The following SPDYE1 variants were observed in gnomAD, a reference collection of about 807,000 sequenced individuals.
SPDYE1 encodes the protein speedy/RINGO cell cycle regulator family member E1, also known as speedy protein E1.
A neutral mutation model predicts 45.9 loss-of-function variants in SPDYE1; 29 were observed. That is an observed-to-expected ratio of 0.63 (90% CI 0.47 to 0.86). The LOEUF is 0.86. Ranked by LOEUF, SPDYE1 falls within the 40% of genes least tolerant of loss-of-function variation. The probability of loss-of-function intolerance (pLI) is 0.00; values close to 1 mark genes in which losing one functional copy is unlikely to be tolerated. For missense variants in SPDYE1, 346 were observed against 481.4 expected, an observed-to-expected ratio of 0.72 and a Z score of 2.63; for synonymous variants, 134 against 176.8, an observed-to-expected ratio of 0.76 and a Z score of 1.92.
In SPDYE1 at chr7:44,002,630, C is replaced by T. The variant is rs1210365268; in HGVS notation, c.420C>T (p.Cys140=). Residue 140 remains cysteine, a synonymous_variant, in exon 4 of 9, where the codon TGC becomes TGT. Coordinates refer to ENST00000693451, the MANE Select transcript of SPDYE1 (RefSeq NM_001378423.2). ...CCAGCCCCCCGCATAGGTCCTTTTG[C>T]TGGAAAAGGAAGATGGAGTGGTGGG... is the stretch of plus-strand genomic sequence containing the variant. The part of the protein sequence containing the change: ...VDPSPPHRSF[C]WKRKMEWWDK... The T allele has an allele frequency of 1.3e-6, 2 of 1,597,134 alleles. No individual in the cohort carries two copies. The highest frequency in any genetic ancestry group is 1.7e-6 in the Non-Finnish European group (2 of 1,179,784).
chr7:44,005,056 C>T, intron 5 of SPDYE1, 86 bp from the exon 6 acceptor site: 1 of 1,489,092 alleles, frequency 6.7e-7, no homozygotes, highest in East Asian at 2.3e-5. Context: ...TGGGCAGCCC[C>T]TCCCCAGACC....
chr7:43,998,623 G>A (rs4049584), intron 1 of SPDYE1, among the ~76,000 whole-genome samples: 25,756 of 87,742 alleles, frequency 0.29, 6,889 homozygotes, highest in Middle Eastern at 0.35. Context: ...CCGGGAACCC[G>A]CAGGTTTTTT....
At chr7:44,006,997 T>C (rs2096072133) in intron 6 of SPDYE1, among the ~76,000 whole-genome samples, 1 of 152,244 alleles carries the variant, frequency 6.6e-6, no homozygotes, top group Admixed American at 6.5e-5. Context: ...GTGATCCTCC[T>C]GCTTTGGCCT....
Position 44,009,806 on chromosome 7 carries a change from A to C in SPDYE1, c.*1185A>C, listed in dbSNP as rs1028273146. On this transcript the variant is annotated 3_prime_UTR_variant, in exon 9 of 9. Transcript: ENST00000693451. ...TTTCATCCTAAATCTTTTACCTTTC[A>C]ATCTTTGTATCTATTATTACACGTG... 2.0e-5 allele frequency: 3 copies of C among 151,494 alleles called. No homozygotes were observed. The highest frequency in any genetic ancestry group is 4.4e-5 in the Non-Finnish European group (3 of 67,866). 9.4% of individuals were successfully genotyped at this position (151,494 alleles called of 1,614,324 possible). A position where few individuals can be genotyped will look rare whatever the true frequency, so the allele number is the denominator to read the frequency against.
At position 44,004,858 on chromosome 7, in the gene SPDYE1, A is replaced by C. The variant is rs2096068977; in HGVS notation, c.667-284A>C. ...GACAGTTCTCTGCCTGGCACACAAA[A>C]GACCCTCCTGACACCAGCCAACCTA... On this transcript the variant is annotated intron_variant, in intron 5 of 8. Coordinates refer to ENST00000693451, the MANE Select transcript of SPDYE1 (RefSeq NM_001378423.2). The C allele has an allele frequency of 5.7e-6, 3 of 528,628 alleles. No individual in the cohort carries two copies. The African/African-American group carries it at 5.7e-5, about 10-fold the overall frequency. 32.7% of individuals were successfully genotyped at this position (528,628 alleles called of 1,614,324 possible).
intron 8 of SPDYE1, among the ~76,000 whole-genome samples, 153 bp from the exon 9 acceptor site, chr7:44,008,514 C>T (rs941097040): frequency 4.6e-5 from 7 of 152,084 alleles, no homozygotes; most frequent in African/African-American, 1.4e-4. Context: ...CAGTTGAACA[C>T]GATGGTTCAG....
chr7:44,005,349 A>T, intron 6 of SPDYE1, 122 bp downstream of exon 6: 1 of 1,382,466 alleles, frequency 7.2e-7, no homozygotes, highest in East Asian at 2.3e-5. Flanking sequence ...TGTACAAAAA[A>T]GAGAGGATTA....
At position 44,002,611 on chromosome 7, in the gene SPDYE1, C is replaced by A; in HGVS notation, c.401C>A (p.Pro134His). 3.1e-6 allele frequency: 5 copies of A among 1,594,244 alleles called. No homozygotes were observed. Among genetic ancestry groups the A allele is most frequent in the Non-Finnish European group, 4.2e-6 (5 of 1,178,744 alleles). The stretch of plus-strand genomic sequence containing the variant: ...TCAGCCCCTGGGGTAGATCCCAGCC[C>A]CCCGCATAGGTCCTTTTGCTGGAAA... ...SQLAPGVDPS[P>H]PHRSFCWKRK... The change falls in exon 4 of 9, where the codon CCC (proline) becomes CAC (histidine). Residue 134 changes from proline to histidine, a missense_variant. Physicochemically the swap from Pro to His is moderately conservative, Grantham distance 77. Around this residue, in one of 4 missense-constraint regions of SPDYE1, gnomAD observed 141 missense variants for 176.7 expected, o/e 0.80. Transcript: ENST00000693451.
In SPDYE1 at chr7:44,003,887, C is replaced by A. The variant is rs1370774047; in HGVS notation, c.642C>A (p.Asp214Glu). Residue 214 changes from aspartate to glutamate, a missense_variant, in exon 5 of 9, where the codon GAC becomes GAA. Physicochemically the swap from Asp to Glu is conservative, Grantham distance 45. Around this residue, in one of 4 missense-constraint regions of SPDYE1, gnomAD observed 4 missense variants for 25.1 expected, o/e 0.16. Coordinates refer to ENST00000693451, the MANE Select transcript of SPDYE1 (RefSeq NM_001378423.2). ...DPVIKRFLAWDKDLRVSDKYL... is the reference protein window; with the variant it reads ...DPVIKRFLAWEKDLRVSDKYL... ...TCATTAAAAGATTCCTGGCCTGGGACAAAGATCTGAGGGTGTCGGACAAGG... is the reference window on the plus strand; with the variant it reads ...TCATTAAAAGATTCCTGGCCTGGGAAAAAGATCTGAGGGTGTCGGACAAGG... The A allele has an allele frequency of 3.3e-6, 4 of 1,199,660 alleles. No individual in the cohort carries two copies. The African/African-American group carries it at 6.1e-5, about 18-fold the overall frequency. 74.3% of individuals were successfully genotyped at this position (1,199,660 alleles called of 1,614,324 possible).
chr7:44,005,677 CAAA>C lies in SPDYE1; in HGVS notation c.752+465_752+467del, dbSNP rs762074535. 3.1e-3 allele frequency among the ~76,000 whole-genome samples: 284 copies of C among 92,500 alleles called. 2 individuals are homozygous for C. In the South Asian group the frequency reaches 0.033, roughly 11 times the overall value. The allele number at this position is 92,500 out of a possible 152,430, so 60.7% of individuals were successfully genotyped here. A position where few individuals can be genotyped will look rare whatever the true frequency, so the allele number is the denominator to read the frequency against. On this transcript the variant is annotated intron_variant, in intron 6 of 8. Transcript: ENST00000693451. Reference sequence around the variant, plus strand: ...TGGGTGACAGAGTGAGACTTTTTCTCAAAAAAAAAAAAAAAAAGCCAAAAAAAC... The same window carrying C: ...TGGGTGACAGAGTGAGACTTTTTCTCAAAAAAAAAAAAAAGCCAAAAAAAC...
intron 3 of SPDYE1, 53 bp downstream of exon 3, chr7:44,001,337 A>C: frequency 1.3e-6 from 2 of 1,590,946 alleles, no homozygotes; most frequent in South Asian, 2.2e-5. Context: ...TAAAAAGAGG[A>C]AACTTCCAAT....
intron 6 of SPDYE1, 34 bp downstream of exon 6, chr7:44,005,261 C>G: frequency 1.2e-6 from 2 of 1,610,162 alleles, no homozygotes; most frequent in Non-Finnish European, 1.7e-6. Context: ...CCGTCAATAT[C>G]CAATGCCCTG....
At chr7:44,005,331 T>C in intron 6 of SPDYE1, 104 bp downstream of exon 6, 1 of 1,421,710 alleles carries the variant, frequency 7.0e-7, no homozygotes. Flanking sequence ...TTTGTCCTCT[T>C]TACTCTGTGT....
rs1180318507 is a variant in SPDYE1, at chr7:44,000,051, G to C, written c.102G>C (p.Arg34=). The part of the protein sequence containing the change: ...PHRQNEQSPQ[R]STSGYPLQEV... ...GCCAGAATGAGCAGAGTCCCCAGCGGAGCACCTCGGGGTACCCCCTCCAGG... is the reference window on the plus strand; with the variant it reads ...GCCAGAATGAGCAGAGTCCCCAGCGCAGCACCTCGGGGTACCCCCTCCAGG... The change falls in exon 2 of 9, where the codon CGG becomes CGC. Residue 34 remains arginine (R), a synonymous_variant. Transcript: ENST00000693451. 2 of 985,258 alleles carry C rather than the reference G, an allele frequency of 2.0e-6. No individual in the cohort carries two copies. The highest frequency in any genetic ancestry group is 2.4e-6 in the Non-Finnish European group (2 of 829,930). 61.0% of individuals were successfully genotyped at this position (985,258 alleles called of 1,614,324 possible). A position where few individuals can be genotyped will look rare whatever the true frequency, so the allele number is the denominator to read the frequency against.
chr7:44,005,366 C>T, intron 6 of SPDYE1, 139 bp downstream of exon 6: 1 of 1,290,294 alleles, frequency 7.8e-7, no homozygotes, highest in Non-Finnish European at 1.1e-6. Flanking sequence ...ATTATACTAT[C>T]ATAGACTGTT....
Position 44,003,857 on chromosome 7 carries a change from T to C in SPDYE1, c.612T>C (p.Asp204=). The C allele has an allele frequency of 1.9e-6, 2 of 1,052,298 alleles. No individual in the cohort carries two copies. The highest frequency in any genetic ancestry group is 2.7e-6 in the Non-Finnish European group (2 of 728,958). The allele number at this position is 1,052,298 out of a possible 1,614,324, so 65.2% of individuals were successfully genotyped here. A position where few individuals can be genotyped will look rare whatever the true frequency, so the allele number is the denominator to read the frequency against. ...ACATCTGCTCTCTAATCACAGAGGA[T>C]CCTGTCATTAAAAGATTCCTGGCCT... ...HHEAFNRLLE[D]PVIKRFLAWD... is the part of the protein sequence containing the mutation. Residue 204 remains aspartate, a synonymous_variant, in exon 5 of 9, where the codon GAT becomes GAC. Transcript: ENST00000693451.
rs542350983 is a variant in SPDYE1, at chr7:44,010,029, G to A, written c.*1408G>A. ...TTGTATGTTACTTTAAAGAGGATGT[G>A]TGTTCTAAAGGAGGACATGAGCTGT... is the stretch of plus-strand genomic sequence containing the variant. On this transcript the variant is annotated 3_prime_UTR_variant, in exon 9 of 9. Transcript: ENST00000693451. 1.1e-3 allele frequency: 163 copies of A among 152,266 alleles called. 1 individual carries two copies. Among genetic ancestry groups the A allele is most frequent in the African/African-American group, 3.5e-3 (147 of 41,566 alleles). The allele number at this position is 152,266 out of a possible 1,614,324, so 9.4% of individuals were successfully genotyped here.
At chr7:44,005,751 C>A (rs1227297445) in intron 6 of SPDYE1, among the ~76,000 whole-genome samples, 9 of 151,654 alleles carry the variant, frequency 5.9e-5, no homozygotes, top group Non-Finnish European at 8.8e-5. Flanking sequence ...ACAAAAGGAA[C>A]CATAAACCAC....
At chr7:44,005,570 C>T (rs1327204989) in intron 6 of SPDYE1, among the ~76,000 whole-genome samples, 3 of 151,340 alleles carry the variant, frequency 2.0e-5, no homozygotes, top group African/African-American at 4.9e-5. Context: ...CCCAGCTACT[C>T]GGGAGGCTGA....
Sources: allele counts gnomAD v4.1 joint callset (sites outside exome capture counted in the v4.1 genomes callset), GRCh38; gene constraint gnomAD v4.1.1; regional missense constraint gnomAD v4.1.1; transcripts MANE v1.5; gene names NCBI Gene and HGNC (gene_info 2026-07-23, HGNC 2026-07-21).